The following CNTNAP5 variants were observed in gnomAD, a reference collection of about 807,000 sequenced individuals.
The protein encoded by CNTNAP5 is contactin associated protein family member 5.
Under a neutral mutation model 150.2 loss-of-function variants are expected in CNTNAP5, and 72 were observed. That is an observed-to-expected ratio of 0.48 (90% CI 0.40 to 0.58). CNTNAP5 has a LOEUF of 0.58. Ranked by LOEUF, CNTNAP5 falls within the 20% of genes least tolerant of loss-of-function variation. CNTNAP5 has a pLI of 0.00. For synonymous variants in CNTNAP5, 672 were observed against 619.8 expected, an observed-to-expected ratio of 1.08 and a Z score of -1.25; for missense variants, 1,636 against 1,626.2, an observed-to-expected ratio of 1.01 and a Z score of -0.10.
chr2:124,816,901 A>G (rs1682376151), intron 19 of CNTNAP5, among the ~76,000 whole-genome samples: 1 of 152,222 alleles, frequency 6.6e-6, no homozygotes, highest in Non-Finnish European at 1.5e-5. Flanking sequence ...AATCATGCGA[A>G]TGATATCACA....
chr2:124,740,903 T>G (rs1017994642), intron 13 of CNTNAP5, among the ~76,000 whole-genome samples: 18 of 151,822 alleles, frequency 1.2e-4, no homozygotes, highest in Non-Finnish European at 2.2e-4. Flanking sequence ...GAAACATGCA[T>G]GCCTCTTGAG....
chr2:124,519,304 A>G (rs988482123), intron 8 of CNTNAP5, among the ~76,000 whole-genome samples: 3 of 151,772 alleles, frequency 2.0e-5, no homozygotes, highest in Admixed American at 1.3e-4. Flanking sequence ...ATTAAAAACC[A>G]TTGGGTTTCA....
At chr2:124,220,429 C>T (rs892278903) in intron 1 of CNTNAP5, among the ~76,000 whole-genome samples, 2 of 152,112 alleles carry the variant, frequency 1.3e-5, no homozygotes, top group African/African-American at 4.8e-5. Flanking sequence ...ATTCTTTCAA[C>T]AAACCTTTAT....
intron 13 of CNTNAP5, among the ~76,000 whole-genome samples, chr2:124,713,308 CTCTTTCT>C (rs1679864846): frequency 3.3e-4 from 19 of 57,414 alleles, no homozygotes; most frequent in Admixed American, 1.0e-3. Flanking sequence ...TTTCTTCTTT[CTCTTTCT>C]TTCCTTTCTT....
intron 1 of CNTNAP5, among the ~76,000 whole-genome samples, chr2:124,118,398 C>A (rs1683480345): frequency 1.3e-5 from 2 of 152,144 alleles, no homozygotes; most frequent in South Asian, 4.1e-4. Context: ...AGACCTGTCC[C>A]TTTCAGAGGA....
At chr2:124,254,399 G>C (rs753276522) in intron 3 of CNTNAP5, among the ~76,000 whole-genome samples, 2 of 152,162 alleles carry the variant, frequency 1.3e-5, no homozygotes, top group Non-Finnish European at 2.9e-5. Flanking sequence ...TGCTGGTAAG[G>C]GGGGCAGTCT....
At chr2:124,889,008 T>C (rs1403429865) in intron 21 of CNTNAP5, among the ~76,000 whole-genome samples, 8 of 151,990 alleles carry the variant, frequency 5.3e-5, no homozygotes, top group South Asian at 2.1e-4. Flanking sequence ...TCATAAATTA[T>C]TTGTCAAGTC....
chr2:124,055,849 C>G (rs1173712830), intron 1 of CNTNAP5, among the ~76,000 whole-genome samples: 1 of 152,096 alleles, frequency 6.6e-6, no homozygotes, highest in Non-Finnish European at 1.5e-5. Context: ...CCTGGCAGGA[C>G]CTTCGTCATC....
chr2:124,738,042 G>A (rs1246070819), intron 13 of CNTNAP5, among the ~76,000 whole-genome samples: 1 of 152,064 alleles, frequency 6.6e-6, no homozygotes, highest in East Asian at 1.9e-4. Flanking sequence ...GCAATTCTTA[G>A]TTTCTAGATT....
intron 7 of CNTNAP5, among the ~76,000 whole-genome samples, chr2:124,491,386 T>C (rs1370970363): frequency 3.3e-5 from 5 of 152,006 alleles, no homozygotes; most frequent in Non-Finnish European, 7.4e-5. Context: ...CTCTTTCTTA[T>C]ATATGTATGT....
chr2:124,431,899 A>G (rs1182006074), intron 4 of CNTNAP5, among the ~76,000 whole-genome samples: 1 of 152,024 alleles, frequency 6.6e-6, no homozygotes, highest in African/African-American at 2.4e-5. Context: ...GAGCTGCTCT[A>G]TAGAGGGCTC....
At chr2:124,845,974 TTTG>T (rs59282495) in intron 19 of CNTNAP5, among the ~76,000 whole-genome samples, 4 of 151,704 alleles carry the variant, frequency 2.6e-5, no homozygotes, top group African/African-American at 4.9e-5. Context: ...TTTTGTCATT[TTTG>T]TTGTTGTTGT....
intron 3 of CNTNAP5, among the ~76,000 whole-genome samples, chr2:124,253,958 C>T (rs749440893): frequency 1.2e-4 from 18 of 151,806 alleles, no homozygotes; most frequent in African/African-American, 2.9e-4. Flanking sequence ...CCTTTATGAA[C>T]GGATTTGGAG....
At chr2:124,372,629 T>G (rs1690555619) in intron 3 of CNTNAP5, among the ~76,000 whole-genome samples, 2 of 152,062 alleles carry the variant, frequency 1.3e-5, no homozygotes, top group African/African-American at 4.8e-5. Flanking sequence ...GTAGCAGAGT[T>G]GCAAAGAAGT....
At chr2:124,186,711 C>T (rs1192021786) in intron 1 of CNTNAP5, among the ~76,000 whole-genome samples, 2 of 152,166 alleles carry the variant, frequency 1.3e-5, no homozygotes, top group African/African-American at 4.8e-5. Context: ...GAGCCTCTTA[C>T]ATATTTGCTA....
At chr2:124,318,741 C>T (rs979541147) in intron 3 of CNTNAP5, among the ~76,000 whole-genome samples, 7 of 152,108 alleles carry the variant, frequency 4.6e-5, no homozygotes, top group South Asian at 2.1e-4. Flanking sequence ...CCTCTCTGTT[C>T]CCTAAGCCAG....
chr2:124,330,859 A>G (rs1021438969), intron 3 of CNTNAP5, among the ~76,000 whole-genome samples: 3 of 152,186 alleles, frequency 2.0e-5, no homozygotes, highest in African/African-American at 7.2e-5. Flanking sequence ...GTCTTTTTGC[A>G]TCTGGAAAAC....
chr2:124,619,908 C>CATATATAT lies in CNTNAP5; in HGVS notation c.1876+10009_1876+10016dup, dbSNP rs10540154. ...ATACTCCTTCTCTCACTGTCTCATT[C>CATATATAT]ATATATATATATATATATATATATA... On this transcript the variant is annotated intron_variant, in intron 12 of 23. Transcript: ENST00000682447. 7.8e-4 allele frequency among the ~76,000 whole-genome samples: 90 copies of CATATATAT among 115,520 alleles called. 4 individuals are homozygous for CATATATAT. Among genetic ancestry groups the CATATATAT allele is most frequent in the African/African-American group, 3.8e-3 (84 of 21,900 alleles). 75.8% of individuals were successfully genotyped at this position (115,520 alleles called of 152,430 possible).
intron 13 of CNTNAP5, among the ~76,000 whole-genome samples, chr2:124,731,751 T>C (rs114552110): frequency 0.016 from 2,494 of 151,956 alleles, 84 homozygotes; most frequent in African/African-American, 0.057. Context: ...TGTGTGTATG[T>C]GTATATGAGT....
Sources: gnomAD v4.1 joint callset for allele counts (sites outside exome capture counted in the v4.1 genomes callset) on GRCh38, gnomAD v4.1.1 for gene constraint, MANE v1.5 for transcripts, NCBI Gene and HGNC (gene_info 2026-07-23, HGNC 2026-07-21) for gene names.